Variants in LARGE1 observed in about 807,000 individuals in gnomAD.
The protein encoded by LARGE1 is xylosyl- and glucuronyltransferase LARGE1.
LARGE1 carries 43 observed loss-of-function variants against 87.6 expected under a neutral mutation model. The ratio of observed to expected loss-of-function variants is 0.49; its 90% CI spans 0.38 to 0.63. The LOEUF is 0.63. Among genes scored for constraint, LARGE1 ranks in the 30% least tolerant of loss-of-function variants. The probability of loss-of-function intolerance (pLI) is 0.00; values close to 1 mark genes in which losing one functional copy is unlikely to be tolerated. For synonymous variants in LARGE1, 434 were observed against 394.6 expected (o/e 1.10, Z -1.18); for missense variants, 802 against 1,000.2 (o/e 0.80, Z 2.67).
intron 6 of LARGE1, among the ~76,000 whole-genome samples, chr22:33,543,378 G>A (rs1174715912): frequency 6.6e-6 from 1 of 152,156 alleles, no homozygotes; most frequent in Non-Finnish European, 1.5e-5. Flanking sequence ...ATAGGCTGCA[G>A]ATACCACCTT....
chr22:33,231,235 C>T (rs137475), intron 11 of LARGE1, among the ~76,000 whole-genome samples: 51,293 of 152,084 alleles, frequency 0.34, 10,608 homozygotes, highest in African/African-American at 0.59. Flanking sequence ...ATGCAAGCCA[C>T]GTGCCCTCAA....
intron 1 of LARGE1, among the ~76,000 whole-genome samples, chr22:33,822,556 G>A (rs764669648): frequency 3.9e-5 from 6 of 152,152 alleles, no homozygotes; most frequent in African/African-American, 9.6e-5. Context: ...ACCATTAGCC[G>A]GGGTGGTGGC....
intron 2 of LARGE1, among the ~76,000 whole-genome samples, chr22:33,658,704 T>C (rs1419450709): frequency 2.0e-5 from 3 of 152,208 alleles, no homozygotes; most frequent in Non-Finnish European, 1.5e-5. Flanking sequence ...GGCATCTGGG[T>C]TGATTCCAGT....
chr22:33,104,889 C>CTCTTTCTTTCTTTCTT, the LARGE1 span, among the ~76,000 whole-genome samples: 170 of 89,218 alleles, frequency 1.9e-3, no homozygotes, highest in Non-Finnish European at 1.8e-3. Context: ...GACTTTCTCT[C>CTCTTTCTTTCTTTCTT]TCTTTCTTTC....
intron 5 of LARGE1, among the ~76,000 whole-genome samples, chr22:33,593,016 T>C (rs1363619344): frequency 6.6e-6 from 1 of 152,184 alleles, no homozygotes; most frequent in Non-Finnish European, 1.5e-5. Context: ...ATTTTTTGTA[T>C]TTTTAGTAGA....
intron 2 of LARGE1, among the ~76,000 whole-genome samples, chr22:33,757,467 G>T (rs559904224): frequency 6.6e-6 from 1 of 152,170 alleles, no homozygotes; most frequent in Non-Finnish European, 1.5e-5. Context: ...ACCATGAAGA[G>T]CAAGTGTGCC....
At chr22:33,442,986 T>G (rs1807547) in intron 6 of LARGE1, among the ~76,000 whole-genome samples, 30,701 of 151,678 alleles carry the variant, frequency 0.2, 3,305 homozygotes, top group Admixed American at 0.33. Context: ...TAGAGACAGG[T>G]TTTCACCGTG....
the LARGE1 span, among the ~76,000 whole-genome samples, chr22:33,137,600 T>A: frequency 1.3e-5 from 2 of 152,234 alleles, no homozygotes; most frequent in East Asian, 3.9e-4. Context: ...CCTGGACATG[T>A]CAGAGGTCTT....
At chr22:33,300,330 A>G (rs1933974470) in intron 12 of LARGE1, among the ~76,000 whole-genome samples, 1 of 152,208 alleles carries the variant, frequency 6.6e-6, no homozygotes, top group African/African-American at 2.4e-5. Flanking sequence ...TTTCTGGCAC[A>G]TGGTAAGGGC....
intron 2 of LARGE1, among the ~76,000 whole-genome samples, chr22:33,685,050 AGATGG>A (rs996883401): frequency 1.3e-5 from 2 of 152,182 alleles, no homozygotes; most frequent in Admixed American, 6.5e-5. Context: ...CCTTGAGATG[AGATGG>A]GATGGAAACA....
intron 11 of LARGE1, among the ~76,000 whole-genome samples, chr22:33,261,388 C>T (rs1363049826): frequency 6.6e-6 from 1 of 152,162 alleles, no homozygotes; most frequent in Non-Finnish European, 1.5e-5. Context: ...CTGTCTCAGG[C>T]TCCCCTCTCT....
chr22:33,345,624 ACTTGGAGTCGGC>A, intron 9 of LARGE1, among the ~76,000 whole-genome samples: 1 of 152,300 alleles, frequency 6.6e-6, no homozygotes, highest in Non-Finnish European at 1.5e-5. Flanking sequence ...ATATGTGCCG[ACTTGGAGTCGGC>A]CTCTACTGAG....
intron 11 of LARGE1, among the ~76,000 whole-genome samples, chr22:33,201,362 G>C (rs944774453): frequency 3.4e-5 from 5 of 147,356 alleles, no homozygotes; most frequent in Non-Finnish European, 7.5e-5. Flanking sequence ...GAAAGAGAGA[G>C]AGAGGAAGGA....
rs138231625 is a variant in LARGE1 at position 33,518,261 on chromosome 22, T to C, written c.787+46587A>G. On this transcript the variant is annotated intron_variant, in intron 6 of 14. Transcript: ENST00000397394. ...TGATCATCATCCCTATGTGAGAAAA[T>C]TGAATCCCAAACAGGTTAAATCAAC... 8.7e-4 allele frequency among the ~76,000 whole-genome samples: 132 copies of C among 152,240 alleles called. No individual in the cohort carries two copies. The Middle Eastern group carries it at 0.01, about 12-fold the overall frequency.
At chr22:33,740,698 C>G (rs1000854349) in intron 2 of LARGE1, among the ~76,000 whole-genome samples, 4 of 152,190 alleles carry the variant, frequency 2.6e-5, no homozygotes, top group African/African-American at 9.7e-5. Flanking sequence ...GGGAAACCTC[C>G]ACATCCAAAA....
chr22:33,494,033 G>A (rs5998970), intron 6 of LARGE1, among the ~76,000 whole-genome samples: 2 of 152,226 alleles, frequency 1.3e-5, no homozygotes, highest in Non-Finnish European at 2.9e-5. Flanking sequence ...TGCCCACTCC[G>A]TGGCTAACAC....
At chr22:33,915,042 C>CAG (rs57289711) in intron 1 of LARGE1, among the ~76,000 whole-genome samples, 307 of 137,098 alleles carry the variant, frequency 2.2e-3, no homozygotes, top group African/African-American at 6.1e-3. Flanking sequence ...CACACACACA[C>CAG]AGAGAGAGAG....
rs563089637 is a variant in LARGE1 at position 33,744,541 on chromosome 22, T to C, written c.106+16830A>G. Among the ~76,000 whole-genome samples the C allele has an allele frequency of 7.2e-5, 11 of 152,344 alleles. No individual in the cohort carries two copies. In the South Asian group the frequency reaches 2.3e-3, roughly 32 times the overall value. On this transcript the variant is annotated intron_variant, in intron 2 of 14. Transcript: ENST00000397394. ...TCCTAAATGACAACGTGCTTTCCCATGGGTCCTCAGAGCATGCCTGCTGCC... is the reference window on the plus strand; with the variant it reads ...TCCTAAATGACAACGTGCTTTCCCACGGGTCCTCAGAGCATGCCTGCTGCC...
intron 6 of LARGE1, among the ~76,000 whole-genome samples, chr22:33,442,874 G>A (rs1225476989): frequency 6.6e-6 from 1 of 151,024 alleles, no homozygotes; most frequent in Non-Finnish European, 1.5e-5. Context: ...CTCACTGCAA[G>A]CTCCGCCTCC....
Sources: gnomAD v4.1 joint callset for allele counts (sites outside exome capture counted in the v4.1 genomes callset) on GRCh38, gnomAD v4.1.1 for gene constraint, MANE v1.5 for transcripts, NCBI Gene and HGNC (gene_info 2026-07-23, HGNC 2026-07-21) for gene names.